DOCK7: variants seen among roughly 807,000 people sequenced by gnomAD.
DOCK7 encodes dedicator of cytokinesis 7.
Under a neutral mutation model 271.0 loss-of-function variants are expected in DOCK7, and 138 were observed. The observed-to-expected ratio is 0.51, with a 90% CI of 0.44 to 0.59. The LOEUF (loss-of-function observed/expected upper bound fraction) is 0.59, where lower values mean the gene tolerates loss of function less well. DOCK7 is among the 20% of genes least tolerant of loss of function. The pLI is 0.00. For missense variants in DOCK7, 2,066 were observed against 2,592.4 expected, an observed-to-expected ratio of 0.80 and a Z score of 4.41; for synonymous variants, 823 against 876.1, an observed-to-expected ratio of 0.94 and a Z score of 1.07.
chr1:62,603,878 A>G, intron 14 of DOCK7: 4 of 1,234,460 alleles, frequency 3.2e-6, no homozygotes, highest in South Asian at 1.3e-5. Flanking sequence ...AAACAACTCA[A>G]TTAGTTGCAC....
chr1:62,455,334 T>C lies in DOCK7; in HGVS notation c.*80A>G, dbSNP rs530096458. 7.0e-6 allele frequency: 10 copies of C among 1,434,992 alleles called. No individual in the cohort carries two copies. The Admixed American group carries it at 1.5e-4, about 22-fold the overall frequency. 88.9% of individuals were successfully genotyped at this position (1,434,992 alleles called of 1,614,324 possible). ...TAATAATTTCCAGAATTCCATTCCA[T>C]GTTGTTTTCCAATAGATCTTTTCAC... On this transcript the variant is annotated 3_prime_UTR_variant, in exon 50 of 50. Coordinates refer to ENST00000635253, the MANE Select transcript of DOCK7 (RefSeq NM_001367561.1).
intron 14 of DOCK7, chr1:62,598,862 T>C (rs1230010301): frequency 2.9e-6 from 3 of 1,037,632 alleles, no homozygotes; most frequent in African/African-American, 3.2e-5. Context: ...GTAAAAACAC[T>C]GAATCCTAAA....
chr1:62,684,286 TTAGGCCTCAATTCCTCATC>T (rs937124857), intron 1 of DOCK7, among the ~76,000 whole-genome samples: 1 of 152,166 alleles, frequency 6.6e-6, no homozygotes, highest in African/African-American at 2.4e-5. Context: ...GTTGCTGTTT[TTAGGCCTCAATTCCTCATC>T]TAGAAAATGA....
chr1:62,603,492 G>C (rs536358900), intron 14 of DOCK7, among the ~76,000 whole-genome samples: 1 of 151,496 alleles, frequency 6.6e-6, no homozygotes, highest in African/African-American at 2.4e-5. Context: ...TTTCTACAAA[G>C]AAAGCATACA....
chr1:62,659,505 A>G (rs1658424637), intron 2 of DOCK7, among the ~76,000 whole-genome samples: 1 of 152,318 alleles, frequency 6.6e-6, no homozygotes, highest in South Asian at 2.1e-4. Flanking sequence ...AAAATAGAGA[A>G]TAAACAAAAA....
chr1:62,569,974 A>G (rs1557735637), intron 18 of DOCK7, among the ~76,000 whole-genome samples: 2 of 152,128 alleles, frequency 1.3e-5, no homozygotes, highest in South Asian at 4.1e-4. Context: ...TTGGCCTCCT[A>G]AAGTGCTGGG....
chr1:62,522,456 T>C (rs1210252860), intron 31 of DOCK7, among the ~76,000 whole-genome samples: 1 of 152,112 alleles, frequency 6.6e-6, no homozygotes, highest in Non-Finnish European at 1.5e-5. Flanking sequence ...TCTCAATGAA[T>C]GTGGAAAAAG....
chr1:62,640,273 G>T (rs1655835263), intron 7 of DOCK7, among the ~76,000 whole-genome samples: 1 of 152,226 alleles, frequency 6.6e-6, no homozygotes, highest in East Asian at 1.9e-4. Flanking sequence ...CAGCACTTTG[G>T]GAGGCCGAGG....
At chr1:62,553,572 C>A (rs571719956) in intron 21 of DOCK7, among the ~76,000 whole-genome samples, 1 of 150,010 alleles carries the variant, frequency 6.7e-6, no homozygotes, top group African/African-American at 2.4e-5. Context: ...CGGGGTCTTG[C>A]TATGTTGCCC....
chr1:62,649,075 T>C (rs150548013), intron 4 of DOCK7, among the ~76,000 whole-genome samples: 10 of 152,202 alleles, frequency 6.6e-5, no homozygotes, highest in African/African-American at 2.2e-4. Context: ...TGTACATATA[T>C]ATATTAACAT....
intron 1 of DOCK7, among the ~76,000 whole-genome samples, chr1:62,672,786 G>A (rs1409779864): frequency 6.6e-6 from 1 of 152,064 alleles, no homozygotes; most frequent in South Asian, 2.1e-4. Flanking sequence ...TTTATGAAAG[G>A]TAGAGGCAGG....
rs1214675112 is a variant in DOCK7, at chr1:62,487,384, A to G, written c.5508+14T>C. 1.9e-6 allele frequency: 3 copies of G among 1,609,318 alleles called. No individual in the cohort carries two copies. In the East Asian group the frequency reaches 6.7e-5, roughly 36 times the overall value. The stretch of plus-strand genomic sequence containing the variant: ...AATCTATTAGTGTCTTTAACTAACT[A>G]AAACATTACCTACCTCCCAGCCAGT... On this transcript the variant is annotated intron_variant, in intron 43 of 49. Coordinates refer to ENST00000635253, the MANE Select transcript of DOCK7 (RefSeq NM_001367561.1).
intron 1 of DOCK7, among the ~76,000 whole-genome samples, chr1:62,668,493 T>C (rs533957591): frequency 1.1e-4 from 16 of 152,280 alleles, no homozygotes; most frequent in Admixed American, 8.5e-4. Flanking sequence ...TAAGAGTCAT[T>C]AGGGTTTTTT....
intron 48 of DOCK7, among the ~76,000 whole-genome samples, chr1:62,462,866 C>T (rs1307620162): frequency 6.8e-6 from 1 of 147,554 alleles, no homozygotes; most frequent in Non-Finnish European, 1.5e-5. Context: ...GCTGGGATTA[C>T]AGGCACTCAC....
chr1:62,521,622 A>T (rs1476903811), intron 31 of DOCK7, among the ~76,000 whole-genome samples: 1 of 152,224 alleles, frequency 6.6e-6, no homozygotes, highest in Non-Finnish European at 1.5e-5. Context: ...GTATTTTTGA[A>T]TAACTTTATA....
At position 62,638,992 on chromosome 1, in the gene DOCK7, T is replaced by G. The variant is rs751617658; in HGVS notation, c.819-2389A>C. On this transcript the variant is annotated intron_variant, in intron 7 of 49. Coordinates refer to ENST00000635253, the MANE Select transcript of DOCK7 (RefSeq NM_001367561.1). ...TTAACAGCATTCATTTGGCAAAATA[T>G]TTACATGTTTGTAGAGTACTACTGT... 2.0e-5 allele frequency among the ~76,000 whole-genome samples: 3 copies of G among 152,258 alleles called. No individual in the cohort carries two copies. In the East Asian group the frequency reaches 5.8e-4, roughly 29 times the overall value.
intron 28 of DOCK7, among the ~76,000 whole-genome samples, chr1:62,536,957 A>G (rs1264284416): frequency 6.6e-6 from 1 of 152,180 alleles, no homozygotes; most frequent in Admixed American, 6.5e-5. Context: ...ATCTACAGAG[A>G]ACCTACTAGC....
intron 39 of DOCK7, chr1:62,494,792 A>G (rs1180962279): frequency 5.0e-6 from 1 of 201,050 alleles, no homozygotes; most frequent in Non-Finnish European, 9.9e-6. Flanking sequence ...AGTTTTATAC[A>G]CAAGGGAAAA....
intron 37 of DOCK7, among the ~76,000 whole-genome samples, chr1:62,500,354 T>C (rs1646746244): frequency 6.6e-6 from 1 of 151,982 alleles, no homozygotes; most frequent in South Asian, 2.1e-4. Context: ...ATTTTTTTAC[T>C]TGGAAAAGTA....
Sources: gnomAD v4.1 joint callset for allele counts (sites outside exome capture counted in the v4.1 genomes callset) on GRCh38, gnomAD v4.1.1 for gene constraint, MANE v1.5 for transcripts, NCBI Gene and HGNC (gene_info 2026-07-23, HGNC 2026-07-21) for gene names.